SPAG16: variants seen among roughly 807,000 people sequenced by gnomAD.
The protein encoded by SPAG16 is sperm-associated antigen 16 protein.
A neutral mutation model predicts 80.4 loss-of-function variants in SPAG16; 86 were observed. The observed-to-expected ratio is 1.07, with a 90% CI of 0.90 to 1.28. The LOEUF is 1.28. SPAG16 is among the 50% of genes most tolerant of loss of function. The probability of loss-of-function intolerance (pLI) is 0.00; values close to 1 mark genes in which losing one functional copy is unlikely to be tolerated. For synonymous variants in SPAG16, 294 were observed against 265.9 expected, an observed-to-expected ratio of 1.11 and a Z score of -1.03; for missense variants, 870 against 765.3, an observed-to-expected ratio of 1.14 and a Z score of -1.61.
chr2:214,381,932 G>A (rs954099308), intron 15 of SPAG16, among the ~76,000 whole-genome samples: 4 of 152,160 alleles, frequency 2.6e-5, no homozygotes, highest in Non-Finnish European at 4.4e-5. Context: ...ACCAGGCCTC[G>A]CTTTGCATCC....
chr2:214,162,735 C>T (rs1425809236), intron 15 of SPAG16, among the ~76,000 whole-genome samples: 1 of 152,048 alleles, frequency 6.6e-6, no homozygotes, highest in Non-Finnish European at 1.5e-5. Flanking sequence ...GTATTGTCTG[C>T]TTAATATCTA....
chr2:213,515,680 G>T (rs1020685204), intron 10 of SPAG16, among the ~76,000 whole-genome samples: 1 of 152,024 alleles, frequency 6.6e-6, no homozygotes, highest in Non-Finnish European at 1.5e-5. Context: ...TTACCTTGGC[G>T]CTTTAAAGTG....
intron 9 of SPAG16, among the ~76,000 whole-genome samples, chr2:213,432,639 T>G (rs1345061815): frequency 6.6e-6 from 1 of 152,048 alleles, no homozygotes. Flanking sequence ...AGAAGATAGT[T>G]TGAAATTCTG....
chr2:213,560,405 TTGA>T (rs1575975240), intron 10 of SPAG16, among the ~76,000 whole-genome samples: 1 of 152,186 alleles, frequency 6.6e-6, no homozygotes, highest in East Asian at 1.9e-4. Context: ...CAATTCTAAC[TTGA>T]TGAAGAGAAT....
At chr2:213,611,048 T>C (rs1048602074) in intron 10 of SPAG16, among the ~76,000 whole-genome samples, 12 of 152,154 alleles carry the variant, frequency 7.9e-5, no homozygotes, top group African/African-American at 2.9e-4. Flanking sequence ...CTCATTGTCC[T>C]AGCTCCCACT....
At chr2:213,531,439 C>G (rs1209541564) in intron 10 of SPAG16, among the ~76,000 whole-genome samples, 1 of 151,156 alleles carries the variant, frequency 6.6e-6, no homozygotes, top group Admixed American at 6.6e-5. Context: ...TGCCTGCACT[C>G]AGCAATTTAG....
At chr2:213,683,705 T>C (rs931800463) in intron 10 of SPAG16, among the ~76,000 whole-genome samples, 1 of 152,226 alleles carries the variant, frequency 6.6e-6, no homozygotes, top group Non-Finnish European at 1.5e-5. Context: ...ACCTCACCTA[T>C]AGAGTCTATT....
chr2:213,480,655 A>C (rs1270574411), intron 9 of SPAG16, among the ~76,000 whole-genome samples: 1 of 152,196 alleles, frequency 6.6e-6, no homozygotes, highest in African/African-American at 2.4e-5. Flanking sequence ...AGAAGTGATC[A>C]CTTGTGTCAT....
At chr2:213,292,491 C>T (rs1453950499) in intron 1 of SPAG16, among the ~76,000 whole-genome samples, 11 of 150,926 alleles carry the variant, frequency 7.3e-5, no homozygotes, top group Non-Finnish European at 1.6e-4. Flanking sequence ...GGTGAAACCC[C>T]GTCTCTACTA....
rs2071743072 is a variant in SPAG16, at chr2:213,452,258, A to G, written c.943-37705A>G. ...TTAGAAAGAAAGTTTTCTGCCAGGG[A>G]CTCTCTTTACCCTAACTACCTAAAT... On this transcript the variant is annotated intron_variant, in intron 9 of 15. Coordinates refer to ENST00000331683, the MANE Select transcript of SPAG16 (RefSeq NM_024532.5). Among the ~76,000 whole-genome samples the G allele has an allele frequency of 2.0e-5, 3 of 151,568 alleles. No individual in the cohort carries two copies. The South Asian group carries it at 6.3e-4, about 32-fold the overall frequency.
chr2:213,589,044 A>G (rs2060585967), intron 10 of SPAG16, among the ~76,000 whole-genome samples: 1 of 152,038 alleles, frequency 6.6e-6, no homozygotes, highest in Non-Finnish European at 1.5e-5. Context: ...TTAGTCAATC[A>G]TTATTTATTA....
At chr2:213,679,113 A>G (rs1409237177) in intron 10 of SPAG16, among the ~76,000 whole-genome samples, 1 of 152,128 alleles carries the variant, frequency 6.6e-6, no homozygotes, top group African/African-American at 2.4e-5. Context: ...AAAAATGGAT[A>G]CCTGGGGGTG....
intron 11 of SPAG16, 104 bp downstream of exon 11, chr2:213,862,732 A>G (rs1250317732): frequency 2.3e-6 from 3 of 1,281,088 alleles, no homozygotes; most frequent in Admixed American, 2.0e-5. Flanking sequence ...TCTTTCTGCA[A>G]CAACACACCC....
At chr2:214,288,959 G>A (rs1423990730) in intron 15 of SPAG16, among the ~76,000 whole-genome samples, 1 of 151,902 alleles carries the variant, frequency 6.6e-6, no homozygotes, top group Non-Finnish European at 1.5e-5. Flanking sequence ...TAGTAGAGAC[G>A]GGGTTTCACC....
intron 15 of SPAG16, among the ~76,000 whole-genome samples, chr2:214,297,790 C>CT: frequency 7.1e-6 from 1 of 141,830 alleles, no homozygotes; most frequent in South Asian, 2.2e-4. Flanking sequence ...CAGCTTTGTT[C>CT]TTTTTGCTTA....
chr2:214,095,362 A>G (rs71428322), intron 13 of SPAG16, among the ~76,000 whole-genome samples: 13,261 of 152,082 alleles, frequency 0.087, 757 homozygotes, highest in East Asian at 0.29. Flanking sequence ...TATGCTCCAC[A>G]TGGAAAAAGA....
intron 10 of SPAG16, among the ~76,000 whole-genome samples, chr2:213,803,885 C>T (rs945700390): frequency 7.2e-5 from 11 of 152,146 alleles, no homozygotes; most frequent in African/African-American, 2.7e-4. Context: ...AACAAATCAG[C>T]CAGACTTCAT....
chr2:213,615,993 G>T lies in SPAG16; in HGVS notation c.1070+125903G>T, dbSNP rs182402569. ...GTTGATGGGTACAGCAAACCACCAT[G>T]GCACATGTATACCTACGTAACAAAC... On this transcript the variant is annotated intron_variant, in intron 10 of 15. Transcript: ENST00000331683. Among the ~76,000 whole-genome samples, 4 of 152,202 alleles carry T rather than the reference G, an allele frequency of 2.6e-5. No individual in the cohort carries two copies. The East Asian group carries it at 7.7e-4, about 29-fold the overall frequency.
chr2:213,571,869 G>A (rs2059923417), intron 10 of SPAG16, among the ~76,000 whole-genome samples: 2 of 134,812 alleles, frequency 1.5e-5, no homozygotes, highest in Non-Finnish European at 3.0e-5. Flanking sequence ...TCACTTTCAG[G>A]TACACCAATC....
Sources: allele counts gnomAD v4.1 joint callset (sites outside exome capture counted in the v4.1 genomes callset), GRCh38; gene constraint gnomAD v4.1.1; transcripts MANE v1.5; gene names NCBI Gene and HGNC (gene_info 2026-07-23, HGNC 2026-07-21).